Variants in GSG1L observed in about 807,000 individuals in gnomAD.
GSG1L encodes the protein germ cell-specific gene 1-like protein.
In GSG1L, 24 loss-of-function variants were observed where a neutral mutation model predicts 42.1. The ratio of observed to expected loss-of-function variants is 0.57; its 90% confidence interval spans 0.41 to 0.80. The LOEUF (loss-of-function observed/expected upper bound fraction) is 0.80. GSG1L is among the 30% of genes least tolerant of loss of function. GSG1L has a pLI of 0.00. For synonymous variants in GSG1L, 215 were observed against 203.5 expected, an observed-to-expected ratio of 1.06 and a Z score of -0.48; for missense variants, 445 against 472.2, an observed-to-expected ratio of 0.94 and a Z score of 0.53.
intron 2 of GSG1L, among the ~76,000 whole-genome samples, chr16:27,914,308 G>A (rs1296585291): frequency 6.6e-6 from 1 of 151,920 alleles, no homozygotes; most frequent in Non-Finnish European, 1.5e-5. Context: ...TGGTTTGGCA[G>A]TAGAATTGTT....
chr16:27,846,956 CA>C (rs5816450), intron 3 of GSG1L, among the ~76,000 whole-genome samples: 6,078 of 113,432 alleles, frequency 0.054, 222 homozygotes, highest in African/African-American at 0.13. Flanking sequence ...GACTCCGTCT[CA>C]AAAAAAAAAA....
intron 2 of GSG1L, among the ~76,000 whole-genome samples, chr16:27,916,838 T>C (rs913952510): frequency 3.3e-5 from 5 of 151,392 alleles, no homozygotes; most frequent in East Asian, 3.9e-4. Flanking sequence ...TATATAAGCA[T>C]TGATCATCAT....
chr16:27,851,353 T>A (rs1384392526), intron 3 of GSG1L, among the ~76,000 whole-genome samples: 1 of 152,104 alleles, frequency 6.6e-6, no homozygotes, highest in Non-Finnish European at 1.5e-5. Flanking sequence ...AGTGCTGCCA[T>A]GCCTGGCTGA....
chr16:27,913,379 A>G (rs2084413863), intron 2 of GSG1L, among the ~76,000 whole-genome samples: 1 of 152,218 alleles, frequency 6.6e-6, no homozygotes, highest in South Asian at 2.1e-4. Flanking sequence ...TAGGAATCCA[A>G]AGCTAATGGT....
intron 1 of GSG1L, among the ~76,000 whole-genome samples, chr16:28,032,582 G>T (rs574718610): frequency 1.3e-5 from 2 of 152,188 alleles, no homozygotes; most frequent in South Asian, 4.1e-4. Context: ...TTGCCTCTGG[G>T]CTGTCACACA....
At chr16:27,827,931 A>C (rs2083231351) in intron 5 of GSG1L, among the ~76,000 whole-genome samples, 1 of 89,522 alleles carries the variant, frequency 1.1e-5, no homozygotes, top group Non-Finnish European at 2.6e-5. Context: ...CCACTCATCC[A>C]TCCATCCATC....
At chr16:27,955,039 G>C (rs184353807) in intron 2 of GSG1L, among the ~76,000 whole-genome samples, 1 of 152,216 alleles carries the variant, frequency 6.6e-6, no homozygotes, top group Non-Finnish European at 1.5e-5. Context: ...CATCTCCACT[G>C]TATCTTGAGC....
chr16:27,999,260 T>C (rs577926938), intron 1 of GSG1L, among the ~76,000 whole-genome samples: 3 of 152,164 alleles, frequency 2.0e-5, no homozygotes, highest in Non-Finnish European at 4.4e-5. Flanking sequence ...CTGGCCAACA[T>C]GGTGAAACCC....
chr16:27,883,371 T>C lies in GSG1L; in HGVS notation c.550+1115A>G, dbSNP rs139151022. 9.9e-5 allele frequency among the ~76,000 whole-genome samples: 15 copies of C among 152,266 alleles called. No individual in the cohort carries two copies. In the East Asian group the frequency reaches 1.9e-3, roughly 20 times the overall value. Reference sequence around the variant, plus strand: ...GGGTGCATGGAGGCCAAATCCCACATTGTCTGTGTGTTGTGACAATTGTTC... The same window carrying C: ...GGGTGCATGGAGGCCAAATCCCACACTGTCTGTGTGTTGTGACAATTGTTC... On this transcript the variant is annotated intron_variant, in intron 3 of 6. Transcript: ENST00000447459.
intron 3 of GSG1L, among the ~76,000 whole-genome samples, chr16:27,878,668 C>T (rs2083916735): frequency 6.6e-6 from 1 of 152,206 alleles, no homozygotes; most frequent in Non-Finnish European, 1.5e-5. Context: ...AACTCCTGGC[C>T]TCAAGTGATC....
At chr16:27,959,618 G>T (rs1004543831) in intron 2 of GSG1L, among the ~76,000 whole-genome samples, 5 of 151,748 alleles carry the variant, frequency 3.3e-5, no homozygotes, top group African/African-American at 1.2e-4. Context: ...AAGAAAAAAT[G>T]ACCATTTGGG....
chr16:27,977,186 C>T (rs542298556), intron 1 of GSG1L, among the ~76,000 whole-genome samples: 30 of 152,268 alleles, frequency 2.0e-4, no homozygotes, highest in Middle Eastern at 3.4e-3. Flanking sequence ...AGTGACCTAC[C>T]CAAGGTGACA....
rs187638103 is a variant in GSG1L at position 27,830,008 on chromosome 16, T to C, written c.663-1052A>G. The stretch of plus-strand genomic sequence containing the variant: ...CTTGGCAGCCCTCACTTGATGTACA[T>C]GCTGAGCCCAGCCCAAACCTGGAGA... On this transcript the variant is annotated intron_variant, in intron 4 of 6. Coordinates refer to ENST00000447459, the MANE Select transcript of GSG1L (RefSeq NM_001109763.2). Among the ~76,000 whole-genome samples, 6 of 152,306 alleles carry C rather than the reference T, an allele frequency of 3.9e-5. No individual in the cohort carries two copies. In the East Asian group the frequency reaches 1.2e-3, roughly 29 times the overall value.
chr16:27,987,074 G>T (rs965557369), intron 1 of GSG1L, among the ~76,000 whole-genome samples: 2 of 152,046 alleles, frequency 1.3e-5, no homozygotes, highest in Non-Finnish European at 2.9e-5. Context: ...AAAATTAGCT[G>T]GGCAAGGTGG....
chr16:28,032,085 G>A lies in GSG1L; in HGVS notation c.349+30991C>T, dbSNP rs969759888. Among the ~76,000 whole-genome samples the A allele has an allele frequency of 1.1e-4, 17 of 152,220 alleles. 1 individual carries two copies. The highest frequency in any genetic ancestry group is 7.9e-4 in the Admixed American group (12 of 15,284). On this transcript the variant is annotated intron_variant, in intron 1 of 6. Transcript: ENST00000447459. ...TATCTCTTGGGTATTCAGGAGACAC[G>A]GAAGAGAAGAGACAGCTCCGGCTCT...
At chr16:27,872,908 A>G (rs1231671951) in intron 3 of GSG1L, among the ~76,000 whole-genome samples, 2 of 152,202 alleles carry the variant, frequency 1.3e-5, no homozygotes, top group African/African-American at 4.8e-5. Context: ...GCATATAATC[A>G]GGAAATAATA....
intron 1 of GSG1L, among the ~76,000 whole-genome samples, chr16:28,044,471 C>G (rs2086141481): frequency 6.6e-6 from 1 of 152,188 alleles, no homozygotes; most frequent in Non-Finnish European, 1.5e-5. Context: ...TTTATAGCAG[C>G]TTGATTCATA....
At chr16:27,987,621 T>C (rs1285784887) in intron 1 of GSG1L, among the ~76,000 whole-genome samples, 1 of 152,174 alleles carries the variant, frequency 6.6e-6, no homozygotes, top group Non-Finnish European at 1.5e-5. Flanking sequence ...ACGTGGGTAC[T>C]TGGGACCCAG....
chr16:27,855,518 G>A (rs1020080792), intron 3 of GSG1L, among the ~76,000 whole-genome samples: 5 of 151,928 alleles, frequency 3.3e-5, no homozygotes, highest in Admixed American at 1.3e-4. Flanking sequence ...TCAGGAGTTC[G>A]AGACCAACCT....
Sources: allele counts gnomAD v4.1 joint callset (sites outside exome capture counted in the v4.1 genomes callset), GRCh38; gene constraint gnomAD v4.1.1; transcripts MANE v1.5; gene names NCBI Gene and HGNC (gene_info 2026-07-23, HGNC 2026-07-21).